The following PLCB4 variants were observed in gnomAD, a reference collection of about 807,000 sequenced individuals.
PLCB4 encodes phospholipase C beta 4.
Under a neutral mutation model 178.8 loss-of-function variants are expected in PLCB4, and 77 were observed. That is an observed-to-expected ratio of 0.43 (90% CI 0.36 to 0.52). The LOEUF (loss-of-function observed/expected upper bound fraction) is 0.52, where lower values mean the gene tolerates loss of function less well. PLCB4 is among the 20% of genes least tolerant of loss of function. PLCB4 has a pLI of 0.00. For missense variants in PLCB4, 1,024 were observed against 1,453.4 expected, an observed-to-expected ratio of 0.70 and a Z score of 4.80; for synonymous variants, 496 against 490.8, an observed-to-expected ratio of 1.01 and a Z score of -0.14.
chr20:9,168,132 A>G (rs1290976105), intron 2 of PLCB4, among the ~76,000 whole-genome samples: 5 of 152,224 alleles, frequency 3.3e-5, no homozygotes, highest in Non-Finnish European at 7.3e-5. Context: ...ATATAAAGTG[A>G]TGCACTCTCC....
At chr20:9,254,681 G>C (rs1799692389) in intron 3 of PLCB4, among the ~76,000 whole-genome samples, 1 of 151,982 alleles carries the variant, frequency 6.6e-6, no homozygotes, top group African/African-American at 2.4e-5. Flanking sequence ...CTGGGCAACG[G>C]AGCAAAACTC....
Position 9,376,521 on chromosome 20 carries a change from A to G in PLCB4, c.744+3417A>G, listed in dbSNP as rs1375887685. 2.0e-5 allele frequency among the ~76,000 whole-genome samples: 3 copies of G among 152,138 alleles called. No homozygotes were observed. The East Asian group carries it at 5.8e-4, about 29-fold the overall frequency. On this transcript the variant is annotated intron_variant, in intron 12 of 39. Transcript: ENST00000378473. The stretch of plus-strand genomic sequence containing the variant: ...GAGGGAAATCTTCTTTGCCTATAAT[A>G]TGAAAATAGCAAACTAGAGTCCAGG...
intron 7 of PLCB4, among the ~76,000 whole-genome samples, chr20:9,361,699 A>G (rs1480567535): frequency 6.6e-6 from 1 of 152,248 alleles, no homozygotes; most frequent in African/African-American, 2.4e-5. Context: ...GCAAAAAACA[A>G]AACAAAACCA....
At chr20:9,219,866 G>A (rs1327564182) in intron 3 of PLCB4, among the ~76,000 whole-genome samples, 1 of 152,152 alleles carries the variant, frequency 6.6e-6, no homozygotes, top group Non-Finnish European at 1.5e-5. Context: ...CACTTCCAAC[G>A]GTGAGCAGCT....
intron 28 of PLCB4, among the ~76,000 whole-genome samples, chr20:9,430,372 C>T (rs1200127981): frequency 6.6e-6 from 1 of 152,204 alleles, no homozygotes; most frequent in African/African-American, 2.4e-5. Flanking sequence ...TTACTTTACA[C>T]TTTTCATATT....
chr20:9,388,377 G>C (rs530360551), intron 15 of PLCB4, among the ~76,000 whole-genome samples: 7 of 152,046 alleles, frequency 4.6e-5, no homozygotes, highest in Non-Finnish European at 1.0e-4. Context: ...CAGGAGCAGC[G>C]GTTCTCAACT....
intron 18 of PLCB4, among the ~76,000 whole-genome samples, chr20:9,394,405 T>C (rs1393548480): frequency 6.6e-6 from 1 of 152,154 alleles, no homozygotes. Flanking sequence ...TATAGACACA[T>C]GTACGTAATG....
intron 3 of PLCB4, among the ~76,000 whole-genome samples, chr20:9,225,713 T>C (rs941283053): frequency 5.9e-5 from 9 of 152,208 alleles, no homozygotes; most frequent in East Asian, 1.9e-4. Flanking sequence ...AACTGAAATA[T>C]GGATTTTTTC....
At chr20:9,377,911 A>C (rs1312795742) in intron 12 of PLCB4, among the ~76,000 whole-genome samples, 5 of 152,162 alleles carry the variant, frequency 3.3e-5, no homozygotes, top group African/African-American at 1.2e-4. Context: ...CATCAGAATT[A>C]CTCAGAAGTC....
intron 2 of PLCB4, among the ~76,000 whole-genome samples, chr20:9,163,255 G>A (rs1477166067): frequency 1.3e-5 from 2 of 152,082 alleles, no homozygotes; most frequent in African/African-American, 2.4e-5. Context: ...AAACTGCCGG[G>A]ATGAAAAAAA....
At chr20:9,165,104 G>A (rs961531954) in intron 2 of PLCB4, among the ~76,000 whole-genome samples, 3 of 152,114 alleles carry the variant, frequency 2.0e-5, no homozygotes, top group South Asian at 2.1e-4. Context: ...TCTGACAGTC[G>A]GCTTTTGAGA....
intron 32 of PLCB4, among the ~76,000 whole-genome samples, chr20:9,446,733 T>C (rs1168890954): frequency 6.6e-6 from 1 of 152,068 alleles, no homozygotes; most frequent in Non-Finnish European, 1.5e-5. Context: ...ATACAAAAGT[T>C]AGCCAGGCAT....
chr20:9,175,886 A>G (rs1307231437), intron 2 of PLCB4, among the ~76,000 whole-genome samples: 1 of 152,144 alleles, frequency 6.6e-6, no homozygotes, highest in Non-Finnish European at 1.5e-5. Context: ...ACACGGAATG[A>G]TATGGATCCA....
chr20:9,131,552 T>G (rs1042170749), intron 2 of PLCB4, among the ~76,000 whole-genome samples: 1 of 152,168 alleles, frequency 6.6e-6, no homozygotes, highest in Non-Finnish European at 1.5e-5. Context: ...GACTAACGTG[T>G]ATGGTGGTTG....
chr20:9,152,320 G>A (rs1012113164), intron 2 of PLCB4, among the ~76,000 whole-genome samples: 3 of 152,116 alleles, frequency 2.0e-5, no homozygotes, highest in African/African-American at 7.2e-5. Flanking sequence ...GACCTTCACA[G>A]CAGCCCTTCC....
At chr20:9,143,773 G>A (rs2092541699) in intron 2 of PLCB4, among the ~76,000 whole-genome samples, 1 of 152,090 alleles carries the variant, frequency 6.6e-6, no homozygotes. Context: ...ACTATTCATG[G>A]CCAATTAAGG....
intron 19 of PLCB4, among the ~76,000 whole-genome samples, chr20:9,400,974 A>G (rs929697460): frequency 1.3e-5 from 2 of 152,212 alleles, no homozygotes; most frequent in Non-Finnish European, 2.9e-5. Flanking sequence ...TTGCAGGAGT[A>G]GCACAATCCT....
chr20:9,301,858 G>A (rs117576880), intron 3 of PLCB4, among the ~76,000 whole-genome samples: 14 of 152,174 alleles, frequency 9.2e-5, no homozygotes, highest in East Asian at 3.9e-4. Context: ...TAGCTAATCC[G>A]ATCCAGTTGC....
At chr20:9,385,815 C>G (rs569762528) in intron 14 of PLCB4, among the ~76,000 whole-genome samples, 105 of 152,018 alleles carry the variant, frequency 6.9e-4, no homozygotes, top group African/African-American at 2.5e-3. Context: ...AGACGATGGG[C>G]AGCCAGGCAG....
Sources: allele counts gnomAD v4.1 joint callset (sites outside exome capture counted in the v4.1 genomes callset), GRCh38; gene constraint gnomAD v4.1.1; transcripts MANE v1.5; gene names NCBI Gene and HGNC (gene_info 2026-07-23, HGNC 2026-07-21).